MECOM: variants seen among roughly 807,000 people sequenced by gnomAD.
MECOM encodes the protein MDS1 and EVI1 complex locus, also known as histone-lysine N-methyltransferase MECOM.
A neutral mutation model predicts 116.3 loss-of-function variants in MECOM; 13 were observed. That is an observed-to-expected ratio of 0.11 (90% CI 0.07 to 0.18). The LOEUF (loss-of-function observed/expected upper bound fraction) is 0.18. Ranked by LOEUF, MECOM falls within the 10% of genes least tolerant of loss-of-function variation. The pLI, the probability that MECOM is intolerant of heterozygous loss-of-function variation, is 1.00. For missense variants in MECOM, 1,299 were observed against 1,509.0 expected (o/e 0.86, Z 2.31); for synonymous variants, 528 against 535.2 (o/e 0.99, Z 0.19).
chr3:169,178,418 C>T (rs1366477974), intron 2 of MECOM, among the ~76,000 whole-genome samples: 3 of 152,164 alleles, frequency 2.0e-5, no homozygotes, highest in Non-Finnish European at 4.4e-5. Flanking sequence ...AGAGCAGAGT[C>T]GAGGAATCAT....
At chr3:169,111,643 A>C (rs944195751) in intron 9 of MECOM, among the ~76,000 whole-genome samples, 1 of 152,124 alleles carries the variant, frequency 6.6e-6, no homozygotes, top group Non-Finnish European at 1.5e-5. Flanking sequence ...AATGTTTCTG[A>C]AACTTTTACT....
intron 1 of MECOM, among the ~76,000 whole-genome samples, chr3:169,581,607 G>A (rs191157907): frequency 2.0e-4 from 30 of 152,200 alleles, no homozygotes; most frequent in African/African-American, 6.7e-4. Flanking sequence ...AGGTCCAGCC[G>A]GGTAAGAACT....
At chr3:169,147,889 G>A (rs1740415380) in intron 2 of MECOM, among the ~76,000 whole-genome samples, 1 of 151,562 alleles carries the variant, frequency 6.6e-6, no homozygotes, top group Non-Finnish European at 1.5e-5. Flanking sequence ...GTGCTGGAGT[G>A]GGGAGGATAA....
At chr3:169,282,561 T>G (rs1428324480) in intron 2 of MECOM, among the ~76,000 whole-genome samples, 1 of 152,156 alleles carries the variant, frequency 6.6e-6, no homozygotes, top group Non-Finnish European at 1.5e-5. Context: ...AAGTATTTGT[T>G]TATTTATTTA....
At chr3:169,149,945 G>C (rs867145536) in intron 2 of MECOM, among the ~76,000 whole-genome samples, 7,199 of 134,486 alleles carry the variant, frequency 0.054, 209 homozygotes, top group Middle Eastern at 0.073. Context: ...CTGTGTGTGT[G>C]TGTGTGTGTG....
At chr3:169,292,164 G>T (rs147225667) in intron 2 of MECOM, among the ~76,000 whole-genome samples, 137 of 152,150 alleles carry the variant, frequency 9.0e-4, no homozygotes, top group Middle Eastern at 3.4e-3. Flanking sequence ...CCAACATGGT[G>T]AAACCCTGTC....
At chr3:169,121,756 C>A (rs777697069) in intron 6 of MECOM, among the ~76,000 whole-genome samples, 1 of 152,016 alleles carries the variant, frequency 6.6e-6, no homozygotes, top group South Asian at 2.1e-4. Context: ...GAGAGCAAAA[C>A]ATCCCTAAAG....
chr3:169,402,261 A>G (rs949208941), intron 1 of MECOM, among the ~76,000 whole-genome samples: 1 of 152,158 alleles, frequency 6.6e-6, no homozygotes, highest in Admixed American at 6.5e-5. Context: ...GGGGCTGAGG[A>G]CACAGATAGA....
At chr3:169,387,087 T>G (rs767632383) in intron 1 of MECOM, among the ~76,000 whole-genome samples, 9 of 152,194 alleles carry the variant, frequency 5.9e-5, no homozygotes, top group Non-Finnish European at 1.3e-4. Context: ...TTCGATTTTT[T>G]TTAACTTTTA....
At position 169,115,946 on chromosome 3, in the gene MECOM, G is replaced by A. The variant is rs775829030; in HGVS notation, c.1926C>T (p.Ser642=). The change falls in exon 8 of 17, where the codon TCC becomes TCT. Residue 642 remains serine, a synonymous_variant. Coordinates refer to ENST00000651503, the MANE Select transcript of MECOM (RefSeq NM_004991.4). ...INNKKEYSNH[S]IFSPSLEEQT... is the part of the protein sequence containing the mutation. ...GCTCCTCTAAAGATGGTGAGAAAAT[G>A]GAATGATTGCTGTATTCTTTCTTAT... 10 of 1,613,968 alleles carry A rather than the reference G, an allele frequency of 6.2e-6. No individual in the cohort carries two copies. Among genetic ancestry groups the A allele is most frequent in the African/African-American group, 1.3e-5 (1 of 74,924 alleles).
chr3:169,088,769 C>G (rs1213294108), intron 16 of MECOM, among the ~76,000 whole-genome samples: 1 of 152,030 alleles, frequency 6.6e-6, no homozygotes, highest in East Asian at 1.9e-4. Context: ...TAGGATGGGG[C>G]TTGTCATAAA....
chr3:169,613,327 A>G (rs919221936), intron 1 of MECOM, among the ~76,000 whole-genome samples: 10 of 152,178 alleles, frequency 6.6e-5, no homozygotes, highest in African/African-American at 2.4e-4. Flanking sequence ...CTACTCATCA[A>G]TTAGACAGCA....
chr3:169,456,191 G>A (rs758386579), intron 1 of MECOM, among the ~76,000 whole-genome samples: 4 of 152,058 alleles, frequency 2.6e-5, no homozygotes, highest in Non-Finnish European at 5.9e-5. Flanking sequence ...GGTTCCCTGT[G>A]ACCCACCACT....
chr3:169,385,673 A>G (rs1368062331), intron 1 of MECOM, among the ~76,000 whole-genome samples: 6 of 152,206 alleles, frequency 3.9e-5, no homozygotes, highest in Non-Finnish European at 7.3e-5. Context: ...ACATTACTCA[A>G]AAACTATCCA....
chr3:169,455,564 A>G (rs1746337687), intron 1 of MECOM, among the ~76,000 whole-genome samples: 1 of 152,194 alleles, frequency 6.6e-6, no homozygotes, highest in Non-Finnish European at 1.5e-5. Context: ...CATTATTTCT[A>G]TGAGAATGAC....
intron 2 of MECOM, among the ~76,000 whole-genome samples, chr3:169,359,120 A>G (rs890205897): frequency 2.6e-5 from 4 of 151,770 alleles, no homozygotes; most frequent in Admixed American, 6.6e-5. Context: ...CAAAAGTTTT[A>G]ATATTTTAAG....
At chr3:169,404,481 C>T (rs1736355224) in intron 1 of MECOM, among the ~76,000 whole-genome samples, 1 of 152,144 alleles carries the variant, frequency 6.6e-6, no homozygotes, top group African/African-American at 2.4e-5. Context: ...CCAAACAAAC[C>T]CAGCCAAACA....
Position 169,614,868 on chromosome 3 carries a change from C to T in MECOM, c.37+48468G>A, listed in dbSNP as rs140109711. 5 of 152,326 alleles carry T rather than the reference C, an allele frequency of 3.3e-5. No homozygotes were observed. In the East Asian group the frequency reaches 5.8e-4, roughly 18 times the overall value. 9.4% of individuals were successfully genotyped at this position (152,326 alleles called of 1,614,324 possible). A position where few individuals can be genotyped will look rare whatever the true frequency, so the allele number is the denominator to read the frequency against. On this transcript the variant is annotated intron_variant, in intron 1 of 16. Transcript: ENST00000651503. ...TTTTGGGTTATACTGCTAGTGCACC[C>T]GCTTCGGGAAGACAGCACAGCACAG...
intron 1 of MECOM, among the ~76,000 whole-genome samples, chr3:169,471,363 G>GAA (rs34583012): frequency 6.8e-6 from 1 of 146,004 alleles, no homozygotes; most frequent in African/African-American, 2.5e-5. Context: ...TTTACCTCAG[G>GAA]AAAAAAAAAA....
Sources: allele counts gnomAD v4.1 joint callset (sites outside exome capture counted in the v4.1 genomes callset), GRCh38; gene constraint gnomAD v4.1.1; transcripts MANE v1.5; gene names NCBI Gene and HGNC (gene_info 2026-07-23, HGNC 2026-07-21).